ZBTB20: variants seen among roughly 807,000 people sequenced by gnomAD.
ZBTB20 encodes zinc finger and BTB domain containing 20.
Under a neutral mutation model 56.9 loss-of-function variants are expected in ZBTB20, and 9 were observed. The observed-to-expected ratio is 0.16, with a 90% CI of 0.10 to 0.28. The LOEUF (loss-of-function observed/expected upper bound fraction) is 0.28. Ranked by LOEUF, ZBTB20 falls within the 10% of genes least tolerant of loss-of-function variation. The pLI is 1.00. For missense variants in ZBTB20, 655 were observed against 1,003.0 expected, an observed-to-expected ratio of 0.65 and a Z score of 4.69; for synonymous variants, 417 against 420.7, an observed-to-expected ratio of 0.99 and a Z score of 0.11.
Position 114,375,202 on chromosome 3 carries a change from A to C in ZBTB20, c.199+5015T>G, listed in dbSNP as rs973861632. ...AAGCCTTACCTAGAGTTTAAGCTAT[A>C]CATCCTTTCAGTAAAGTTTTTTATT... On this transcript the variant is annotated intron_variant, in intron 10 of 11. Transcript: ENST00000675478. Among the ~76,000 whole-genome samples, 3 of 152,316 alleles carry C rather than the reference A, an allele frequency of 2.0e-5. No homozygotes were observed. In the East Asian group the frequency reaches 5.8e-4, roughly 29 times the overall value.
intron 7 of ZBTB20, among the ~76,000 whole-genome samples, chr3:114,423,652 G>A (rs1240660769): frequency 6.6e-6 from 1 of 152,192 alleles, no homozygotes; most frequent in Non-Finnish European, 1.5e-5. Flanking sequence ...GAGGGATTGA[G>A]TTGAGTTATA....
chr3:115,064,164 A>AT (rs1274910543), intron 2 of ZBTB20, among the ~76,000 whole-genome samples: 1 of 152,136 alleles, frequency 6.6e-6, no homozygotes, highest in Non-Finnish European at 1.5e-5. Flanking sequence ...AAGACTGCTT[A>AT]TTTTTAAGAT....
Position 114,463,389 on chromosome 3 carries a change from C to G in ZBTB20, c.-255+36963G>C, listed in dbSNP as rs138426619. Among the ~76,000 whole-genome samples, 451 of 152,230 alleles carry G rather than the reference C, an allele frequency of 3.0e-3. 2 individuals are homozygous for G. The highest frequency in any genetic ancestry group is 0.01 in the African/African-American group (431 of 41,536). On this transcript the variant is annotated intron_variant, in intron 7 of 11. Transcript: ENST00000675478. ...TTACATTAATCCCTTTTTCAGGTTA[C>G]AGCTAAGGTGGTAACTAAGGATGTT...
At chr3:114,639,055 T>A (rs1045797615) in intron 6 of ZBTB20, among the ~76,000 whole-genome samples, 2 of 152,136 alleles carry the variant, frequency 1.3e-5, no homozygotes, top group Non-Finnish European at 2.9e-5. Flanking sequence ...CTCCTTAGCA[T>A]GCTCATTATT....
intron 5 of ZBTB20, among the ~76,000 whole-genome samples, chr3:114,786,367 C>G (rs1011890066): frequency 1.3e-5 from 2 of 151,950 alleles, no homozygotes; most frequent in African/African-American, 4.8e-5. Flanking sequence ...TGTTCAGCTT[C>G]CACTTATGAG....
At chr3:114,440,871 T>C (rs1250624678) in intron 7 of ZBTB20, among the ~76,000 whole-genome samples, 1 of 152,202 alleles carries the variant, frequency 6.6e-6, no homozygotes, top group Non-Finnish European at 1.5e-5. Flanking sequence ...CACCTTCCTG[T>C]TGAACTGCTT....
At chr3:114,712,372 C>T (rs932662996) in intron 5 of ZBTB20, among the ~76,000 whole-genome samples, 5 of 151,892 alleles carry the variant, frequency 3.3e-5, no homozygotes, top group African/African-American at 9.7e-5. Flanking sequence ...GAGTTCAGGC[C>T]GGGCGCGGTG....
chr3:114,547,786 G>C (rs1013195161), intron 6 of ZBTB20, among the ~76,000 whole-genome samples: 2 of 152,020 alleles, frequency 1.3e-5, no homozygotes, highest in Non-Finnish European at 2.9e-5. Context: ...CTTGTGCAAG[G>C]TTTACAATAA....
At chr3:114,744,458 C>T (rs1436683502) in intron 5 of ZBTB20, among the ~76,000 whole-genome samples, 2 of 151,936 alleles carry the variant, frequency 1.3e-5, no homozygotes, top group Admixed American at 1.3e-4. Context: ...GTGTTTTTTC[C>T]CCTGCCCTCC....
At chr3:114,697,718 C>G (rs993397765) in intron 5 of ZBTB20, among the ~76,000 whole-genome samples, 5 of 150,614 alleles carry the variant, frequency 3.3e-5, no homozygotes, top group Non-Finnish European at 7.4e-5. Flanking sequence ...CTAATGAATT[C>G]AGAACACTAA....
At chr3:114,974,753 A>G (rs933321650) in intron 2 of ZBTB20, among the ~76,000 whole-genome samples, 1 of 152,080 alleles carries the variant, frequency 6.6e-6, no homozygotes, top group African/African-American at 2.4e-5. Context: ...CTTTTAACCT[A>G]TTTACTTGCT....
At chr3:115,121,640 T>C (rs1419765698) in intron 1 of ZBTB20, among the ~76,000 whole-genome samples, 2 of 151,986 alleles carry the variant, frequency 1.3e-5, no homozygotes, top group Non-Finnish European at 2.9e-5. Flanking sequence ...TAATTTAAGT[T>C]TGACCAAAGA....
intron 1 of ZBTB20, among the ~76,000 whole-genome samples, chr3:115,120,536 A>G (rs1027946006): frequency 6.6e-6 from 1 of 152,128 alleles, no homozygotes; most frequent in Admixed American, 6.6e-5. Context: ...GAGGGGATTG[A>G]AACCATCAGG....
intron 2 of ZBTB20, among the ~76,000 whole-genome samples, chr3:114,998,779 A>G (rs1176881998): frequency 6.6e-6 from 1 of 151,582 alleles, no homozygotes; most frequent in Non-Finnish European, 1.5e-5. Context: ...TGCTAAGTTT[A>G]TTTCTTTATA....
intron 6 of ZBTB20, among the ~76,000 whole-genome samples, chr3:114,566,392 G>T (rs886220133): frequency 3.4e-4 from 52 of 152,282 alleles, no homozygotes; most frequent in African/African-American, 1.2e-3. Context: ...CTAAAGAAGA[G>T]GTGGGTGGTT....
intron 7 of ZBTB20, among the ~76,000 whole-genome samples, chr3:114,407,078 C>A (rs2087406667): frequency 6.6e-6 from 1 of 152,190 alleles, no homozygotes; most frequent in Non-Finnish European, 1.5e-5. Context: ...ACAGACTGAG[C>A]TATAGCCCAC....
In ZBTB20 at chr3:114,678,653, A is replaced by T. The variant is rs185237194; in HGVS notation, c.-295+14875T>A. ...AAAAGAGAGACTTTCAATGAAAGAA[A>T]ATTCCTGAAATTTGGTCATTAAATG... On this transcript the variant is annotated intron_variant, in intron 6 of 11. Coordinates refer to ENST00000675478, the MANE Select transcript of ZBTB20 (RefSeq NM_001348800.3). Among the ~76,000 whole-genome samples, 1,289 of 152,340 alleles carry T rather than the reference A, an allele frequency of 8.5e-3. 6 individuals are homozygous for T. The highest frequency in any genetic ancestry group is 0.014 in the Non-Finnish European group (970 of 68,024).
chr3:114,340,783 C>G (rs895522956), intron 11 of ZBTB20, among the ~76,000 whole-genome samples: 7 of 152,136 alleles, frequency 4.6e-5, no homozygotes, highest in Non-Finnish European at 7.4e-5. Context: ...TCTGAAACTC[C>G]TTAGGATAAT....
intron 5 of ZBTB20, among the ~76,000 whole-genome samples, chr3:114,779,392 C>T (rs954732928): frequency 6.6e-6 from 1 of 152,078 alleles, no homozygotes; most frequent in African/African-American, 2.4e-5. Flanking sequence ...TGAGAACATT[C>T]TTTTCCTGTT....
Sources: allele counts gnomAD v4.1 joint callset (sites outside exome capture counted in the v4.1 genomes callset), GRCh38; gene constraint gnomAD v4.1.1; transcripts MANE v1.5; gene names NCBI Gene and HGNC (gene_info 2026-07-23, HGNC 2026-07-21).